The following THADA variants were observed in gnomAD, a reference collection of about 807,000 sequenced individuals.
The protein encoded by THADA is tRNA (32-2'-O)-methyltransferase regulator THADA.
THADA carries 213 observed loss-of-function variants against 219.8 expected under a neutral mutation model. That is an observed-to-expected ratio of 0.97 (90% CI 0.87 to 1.09). The LOEUF (loss-of-function observed/expected upper bound fraction) is 1.09, where lower values mean the gene tolerates loss of function less well. Among genes scored for constraint, THADA ranks in the 50% least tolerant of loss-of-function variants. The pLI is 0.00. For synonymous variants in THADA, 1,018 were observed against 828.9 expected (o/e 1.23, Z -3.92); for missense variants, 2,956 against 2,311.3 (o/e 1.28, Z -5.72).
chr2:43,476,020 T>A (rs1414615664), intron 26 of THADA, among the ~76,000 whole-genome samples: 1 of 152,214 alleles, frequency 6.6e-6, no homozygotes, highest in Non-Finnish European at 1.5e-5. Context: ...GAACTGATTT[T>A]GGTTGGGTAT....
chr2:43,264,371 C>T (rs1162233937), intron 36 of THADA, among the ~76,000 whole-genome samples: 2 of 151,754 alleles, frequency 1.3e-5, no homozygotes, highest in Non-Finnish European at 2.9e-5. Context: ...CCGAAACCTC[C>T]GCCTCTCGGG....
chr2:43,349,559 T>C (rs1314903732), intron 29 of THADA, among the ~76,000 whole-genome samples: 1 of 152,182 alleles, frequency 6.6e-6, no homozygotes, highest in African/African-American at 2.4e-5. Flanking sequence ...AACGCTGAGA[T>C]GGGTTTTCCT....
chr2:43,471,659 T>C (rs897506880), intron 26 of THADA, among the ~76,000 whole-genome samples: 3 of 152,204 alleles, frequency 2.0e-5, no homozygotes, highest in South Asian at 2.1e-4. Flanking sequence ...CTAAAACATA[T>C]ACATCATAGA....
chr2:43,358,962 T>C (rs1573253187), intron 29 of THADA, among the ~76,000 whole-genome samples: 1 of 152,170 alleles, frequency 6.6e-6, no homozygotes, highest in Middle Eastern at 3.4e-3. Flanking sequence ...AGGGAAAAAA[T>C]GATTCCTCTA....
intron 12 of THADA, among the ~76,000 whole-genome samples, 199 bp from the exon 13 acceptor site, chr2:43,572,061 G>A (rs944319063): frequency 1.3e-5 from 2 of 152,114 alleles, no homozygotes; most frequent in African/African-American, 4.8e-5. Flanking sequence ...ATGTAAATTG[G>A]GGATTTATAA....
At chr2:43,418,508 C>A (rs549935616) in intron 28 of THADA, among the ~76,000 whole-genome samples, 1 of 152,276 alleles carries the variant, frequency 6.6e-6, no homozygotes, top group Admixed American at 6.5e-5. Flanking sequence ...AGATGTCAGA[C>A]ATTGTACTAG....
At chr2:43,318,853 A>G (rs1678381301) in intron 31 of THADA, among the ~76,000 whole-genome samples, 1 of 152,244 alleles carries the variant, frequency 6.6e-6, no homozygotes, top group Admixed American at 6.5e-5. Flanking sequence ...AACCCAGCTC[A>G]TCAGTAAAGG....
intron 28 of THADA, among the ~76,000 whole-genome samples, chr2:43,414,503 A>C (rs1676701963): frequency 6.6e-6 from 1 of 152,206 alleles, no homozygotes; most frequent in South Asian, 2.1e-4. Flanking sequence ...TGAACCACCA[A>C]AATGAAGCAT....
chr2:43,360,642 T>C (rs1406514866), intron 29 of THADA, among the ~76,000 whole-genome samples: 3 of 152,214 alleles, frequency 2.0e-5, no homozygotes, highest in East Asian at 3.8e-4. Flanking sequence ...TTAAGTTTAT[T>C]TGTTGAGTCG....
At chr2:43,364,963 T>TC in intron 29 of THADA, among the ~76,000 whole-genome samples, 1 of 151,916 alleles carries the variant, frequency 6.6e-6, no homozygotes, top group East Asian at 1.9e-4. Context: ...TCATCTTTTT[T>TC]TTTTTTTTTT....
chr2:43,428,582 G>A (rs1678815188), intron 27 of THADA, among the ~76,000 whole-genome samples: 1 of 152,180 alleles, frequency 6.6e-6, no homozygotes, highest in Admixed American at 6.5e-5. Context: ...TCCAGCCTGG[G>A]TGACACAGTG....
intron 29 of THADA, among the ~76,000 whole-genome samples, chr2:43,396,847 C>G (rs1674109592): frequency 6.6e-6 from 1 of 151,856 alleles, no homozygotes; most frequent in Non-Finnish European, 1.5e-5. Flanking sequence ...AAAGATAGTT[C>G]TATCTTGCAT....
chr2:43,231,445 T>TC, intron 37 of THADA, 102 bp from the exon 38 acceptor site: 4 of 1,242,428 alleles, frequency 3.2e-6, no homozygotes, highest in Non-Finnish European at 4.3e-6. Context: ...GGGTTTCCCT[T>TC]CCCCCACCTG....
At chr2:43,441,424 C>G (rs1202256898) in intron 26 of THADA, among the ~76,000 whole-genome samples, 1 of 152,178 alleles carries the variant, frequency 6.6e-6, no homozygotes, top group East Asian at 1.9e-4. Context: ...CATAGTATGT[C>G]TGAAGGATAT....
chr2:43,395,477 G>T (rs1042176672), intron 29 of THADA, among the ~76,000 whole-genome samples: 1 of 150,688 alleles, frequency 6.6e-6, no homozygotes, highest in Non-Finnish European at 1.5e-5. Context: ...GTGCTCAAGA[G>T]TTTATATTAA....
intron 26 of THADA, among the ~76,000 whole-genome samples, chr2:43,432,057 C>T (rs1484923240): frequency 2.3e-5 from 3 of 132,828 alleles, no homozygotes; most frequent in Admixed American, 7.1e-5. Flanking sequence ...GGGGTTTCAC[C>T]GTTTTAGCCG....
At chr2:43,304,689 T>G (rs1307040649) in intron 31 of THADA, among the ~76,000 whole-genome samples, 1 of 151,718 alleles carries the variant, frequency 6.6e-6, no homozygotes, top group Non-Finnish European at 1.5e-5. Context: ...TTTTTTTTTT[T>G]GTGATGGAGT....
chr2:43,414,331 A>C (rs1676675766), intron 28 of THADA, among the ~76,000 whole-genome samples: 1 of 152,260 alleles, frequency 6.6e-6, no homozygotes, highest in Admixed American at 6.5e-5. Flanking sequence ...TTTAGATTCA[A>C]CTGGACTCTG....
At chr2:43,578,315 T>C (rs1297281469) in intron 9 of THADA, among the ~76,000 whole-genome samples, 198 bp downstream of exon 9, 1 of 101,724 alleles carries the variant, frequency 9.8e-6, no homozygotes, top group Non-Finnish European at 2.0e-5. Context: ...GCAAATTTTC[T>C]TTTTTTTTTT....
Sources: allele counts gnomAD v4.1 joint callset (sites outside exome capture counted in the v4.1 genomes callset), GRCh38; gene constraint gnomAD v4.1.1; transcripts MANE v1.5; gene names NCBI Gene and HGNC (gene_info 2026-07-23, HGNC 2026-07-21).